Variants in TAFA2 observed in about 807,000 individuals in gnomAD.
TAFA2 encodes TAFA chemokine like family member 2, also known as chemokine-like protein TAFA-2.
Under a neutral mutation model 18.8 loss-of-function variants are expected in TAFA2, and 7 were observed. That is an observed-to-expected ratio of 0.37 (90% CI 0.21 to 0.70). The LOEUF (loss-of-function observed/expected upper bound fraction) is 0.70. Ranked by LOEUF, TAFA2 falls within the 30% of genes least tolerant of loss-of-function variation. The pLI, the probability that TAFA2 is intolerant of heterozygous loss-of-function variation, is 0.53. For synonymous variants in TAFA2, 60 were observed against 54.2 expected (o/e 1.11, Z -0.47); for missense variants, 122 against 158.1 (o/e 0.77, Z 1.23).
chr12:61,973,121 C>A (rs904348485), intron 1 of TAFA2, among the ~76,000 whole-genome samples: 17 of 151,528 alleles, frequency 1.1e-4, no homozygotes, highest in Admixed American at 7.3e-4. Flanking sequence ...TTTTTATACA[C>A]CTGTCAAAAA....
At chr12:62,198,459 A>G (rs1487206059) in intron 1 of TAFA2, 1 of 152,226 alleles carries the variant, frequency 6.6e-6, no homozygotes, top group Non-Finnish European at 1.5e-5. Flanking sequence ...AGATAGAATA[A>G]GGAGAAAAAT....
Position 62,143,905 on chromosome 12 carries a change from G to A in TAFA2, c.-2+47354C>T, listed in dbSNP as rs1440574010. Among the ~76,000 whole-genome samples the A allele has an allele frequency of 2.0e-5, 3 of 151,684 alleles. No homozygotes were observed. The East Asian group carries it at 5.8e-4, about 29-fold the overall frequency. ...AAAAAATACAAAAAAAAAATTAGCT[G>A]AGCATGGTGGCACATGCCTGTGGTC... On this transcript the variant is annotated intron_variant, in intron 1 of 4. Transcript: ENST00000416284.
At chr12:61,932,747 T>C (rs1450900007) in intron 1 of TAFA2, among the ~76,000 whole-genome samples, 1 of 152,082 alleles carries the variant, frequency 6.6e-6, no homozygotes, top group Non-Finnish European at 1.5e-5. Flanking sequence ...GCCCCATAAC[T>C]CTTGTAATGG....
intron 2 of TAFA2, among the ~76,000 whole-genome samples, chr12:61,818,011 C>T (rs571220949): frequency 6.6e-6 from 1 of 152,286 alleles, no homozygotes; most frequent in East Asian, 1.9e-4. Flanking sequence ...AGACTCTCCC[C>T]AGTGTCCAAC....
At chr12:61,917,591 T>A (rs980184714) in intron 1 of TAFA2, among the ~76,000 whole-genome samples, 1 of 152,120 alleles carries the variant, frequency 6.6e-6, no homozygotes, top group African/African-American at 2.4e-5. Flanking sequence ...AACTGACATA[T>A]CAGGAAGCTT....
chr12:61,961,997 C>T (rs895910792), intron 1 of TAFA2, among the ~76,000 whole-genome samples: 1 of 151,986 alleles, frequency 6.6e-6, no homozygotes, highest in Non-Finnish European at 1.5e-5. Context: ...TTTCCCTTCA[C>T]TAGAATTGAA....
intron 1 of TAFA2, among the ~76,000 whole-genome samples, chr12:61,894,679 T>C (rs1875767148): frequency 6.6e-6 from 1 of 152,240 alleles, no homozygotes; most frequent in Non-Finnish European, 1.5e-5. Context: ...AGAGTGATAG[T>C]GTGGTAAACA....
intron 4 of TAFA2, among the ~76,000 whole-genome samples, chr12:61,750,041 G>A (rs1459197028): frequency 2.0e-5 from 3 of 151,412 alleles, no homozygotes; most frequent in Middle Eastern, 6.9e-3. Context: ...TTTTTCCGAT[G>A]ATTTCAACCA....
chr12:62,249,853 G>T (rs934550333), intron 1 of TAFA2, among the ~76,000 whole-genome samples: 1 of 152,166 alleles, frequency 6.6e-6, no homozygotes, highest in Non-Finnish European at 1.5e-5. Context: ...GCCCTGAAGA[G>T]AATTTTTGCC....
rs529516684 is a variant in TAFA2, at chr12:61,953,729, C to T, written c.-1-86303G>A. On this transcript the variant is annotated intron_variant, in intron 1 of 4. Transcript: ENST00000416284. ...CTCAGCATCTTCCCCAACCTTGAAG[C>T]TCCTCATCCACCAAAACACCAGGGC... 2.6e-5 allele frequency among the ~76,000 whole-genome samples: 4 copies of T among 152,260 alleles called. No homozygotes were observed. In the South Asian group the frequency reaches 8.3e-4, roughly 32 times the overall value.
rs557618786 is a variant in TAFA2, at chr12:62,256,359, G to T, written c.-130+2404C>A. ...AAAATTAAACTTTCTAGATCCTATA[G>T]GACAGAAAATATAATTTTGTTTGCT... On this transcript the variant is annotated intron_variant, in intron 1 of 5. Coordinates refer to the TAFA2 transcript ENST00000551619. Among the ~76,000 whole-genome samples the T allele has an allele frequency of 2.6e-5, 4 of 152,076 alleles. No homozygotes were observed. The East Asian group carries it at 5.8e-4, about 22-fold the overall frequency.
Position 61,955,632 on chromosome 12 carries a change from AATATATATATATATATATATATATAT to A in TAFA2, c.-1-88232_-1-88207del, listed in dbSNP as rs775755094. Among the ~76,000 whole-genome samples the A allele has an allele frequency of 1.8e-3, 75 of 41,202 alleles. 2 individuals carry two copies. Among genetic ancestry groups the A allele is most frequent in the South Asian group, 4.1e-3 (5 of 1,232 alleles). 27.0% of individuals were successfully genotyped at this position (41,202 alleles called of 152,430 possible). A position where few individuals can be genotyped will look rare whatever the true frequency, so the allele number is the denominator to read the frequency against. On this transcript the variant is annotated intron_variant, in intron 1 of 4. Transcript: ENST00000416284. ...AAAAAAAAAAAAAAAAAAAAAAAAA[AATATATATATATATATATATATATAT>A]ATATATATATATTTAATTTTAAAAA...
chr12:61,902,422 T>C (rs1156836706), intron 1 of TAFA2, among the ~76,000 whole-genome samples: 4 of 152,228 alleles, frequency 2.6e-5, no homozygotes, highest in African/African-American at 9.6e-5. Flanking sequence ...CTTTGCTGTC[T>C]GCCTCTTCCT....
intron 1 of TAFA2, among the ~76,000 whole-genome samples, chr12:62,239,068 C>T (rs2062850445): frequency 6.6e-6 from 1 of 152,198 alleles, no homozygotes; most frequent in South Asian, 2.1e-4. Context: ...ATTTCTCTTT[C>T]CACAGAAGCC....
In TAFA2 at chr12:62,148,033, G is replaced by T. The variant is rs1361029945; in HGVS notation, c.-2+43226C>A. 2.6e-5 allele frequency among the ~76,000 whole-genome samples: 4 copies of T among 150,968 alleles called. No individual in the cohort carries two copies. The East Asian group carries it at 7.7e-4, about 29-fold the overall frequency. On this transcript the variant is annotated intron_variant, in intron 1 of 4. Coordinates refer to ENST00000416284, the MANE Select transcript of TAFA2 (RefSeq NM_178539.5). ...ATAAGATACCATCGAACGCCAGTCA[G>T]AATGGCTATTACTAAAAAGTCAAAA... is the stretch of plus-strand genomic sequence containing the variant.
At chr12:62,047,825 G>T (rs1322800697) in intron 1 of TAFA2, among the ~76,000 whole-genome samples, 1 of 152,122 alleles carries the variant, frequency 6.6e-6, no homozygotes, top group East Asian at 1.9e-4. Flanking sequence ...ATGCCAGAAT[G>T]CATCTAAATG....
intron 1 of TAFA2, among the ~76,000 whole-genome samples, chr12:62,183,855 T>G (rs7314903): frequency 0.3 from 46,305 of 152,058 alleles, 8,054 homozygotes; most frequent in African/African-American, 0.48. Context: ...TTATTTATTT[T>G]CTAGCCTAGT....
chr12:61,927,047 C>T (rs1427022357), intron 1 of TAFA2, among the ~76,000 whole-genome samples: 3 of 132,226 alleles, frequency 2.3e-5, no homozygotes, highest in Non-Finnish European at 3.1e-5. Context: ...TATACTCCAA[C>T]CTGGTGACAG....
rs192413039 is a variant in TAFA2, at chr12:62,251,057, T to G, written c.-130+7706A>C. Among the ~76,000 whole-genome samples the G allele has an allele frequency of 7.3e-5, 11 of 151,492 alleles. No individual in the cohort carries two copies. In the South Asian group the frequency reaches 2.3e-3, roughly 32 times the overall value. On this transcript the variant is annotated intron_variant, in intron 1 of 5. Transcript: ENST00000551619. Reference sequence around the variant, plus strand: ...TGGGTGTTTTGAAAGTCAGAAAAATTGGGCTGATTCAGAATTTGATGTATA... The same window carrying G: ...TGGGTGTTTTGAAAGTCAGAAAAATGGGGCTGATTCAGAATTTGATGTATA...
Sources: allele counts gnomAD v4.1 joint callset (sites outside exome capture counted in the v4.1 genomes callset), GRCh38; gene constraint gnomAD v4.1.1; transcripts MANE v1.5; gene names NCBI Gene and HGNC (gene_info 2026-07-23, HGNC 2026-07-21).